The following PDGFRB variants were observed in gnomAD, a reference collection of about 807,000 sequenced individuals.
PDGFRB encodes platelet-derived growth factor receptor beta.
In PDGFRB, 42 loss-of-function variants were observed where a neutral mutation model predicts 120.2. That is an observed-to-expected ratio of 0.35 (90% CI 0.27 to 0.45). The LOEUF (loss-of-function observed/expected upper bound fraction) is 0.45. Among genes scored for constraint, PDGFRB ranks in the 20% least tolerant of loss-of-function variants. The pLI, the probability that PDGFRB is intolerant of heterozygous loss-of-function variation, is 1.00. For synonymous variants in PDGFRB, 586 were observed against 606.8 expected, an observed-to-expected ratio of 0.97 and a Z score of 0.50; for missense variants, 1,149 against 1,476.3, an observed-to-expected ratio of 0.78 and a Z score of 3.63.
chr5:150,135,442 C>A (rs1760594971), intron 3 of PDGFRB, 113 bp downstream of exon 3: 2 of 751,582 alleles, frequency 2.7e-6, no homozygotes, highest in African/African-American at 3.5e-5. Flanking sequence ...TGATTGTCTG[C>A]TTTTCTAGGA....
rs776881391 is a variant in PDGFRB, at chr5:150,124,794, C to T, written c.1845G>A (p.Val615=). The change falls in exon 13 of 23, where the codon GTG becomes GTA. Residue 615 remains valine, a synonymous_variant. Coordinates refer to ENST00000261799, the MANE Select transcript of PDGFRB (RefSeq NM_002609.4). ...TLGSGAFGQV[V]EATAHGLSHS... ...GGCTCAGGCCATGAGCCGTGGCCTCCACCACCTGCCCAAAGGCCCCAGAGC... is the reference window on the plus strand; with the variant it reads ...GGCTCAGGCCATGAGCCGTGGCCTCTACCACCTGCCCAAAGGCCCCAGAGC... 3 of 1,608,888 alleles carry T rather than the reference C, an allele frequency of 1.9e-6. No individual in the cohort carries two copies. Among genetic ancestry groups the T allele is most frequent in the African/African-American group, 2.7e-5 (2 of 74,830 alleles).
Position 150,121,143 on chromosome 5 carries a change from G to T in PDGFRB, c.2463+61C>A. 1 of 1,339,382 alleles carries T rather than the reference G, an allele frequency of 7.5e-7. No individual in the cohort carries two copies. The highest frequency in any genetic ancestry group is 1.1e-6 in the Non-Finnish European group (1 of 929,518). 83.0% of individuals were successfully genotyped at this position (1,339,382 alleles called of 1,614,324 possible). ...CCCTGGTGTGCTCTTGGAGGATGCT[G>T]GCTGGCTGGGTGACCCACCTCCCCA... On this transcript the variant is annotated intron_variant, in intron 17 of 22. Transcript: ENST00000261799. This position sits in a 1 kb window ranked among gnomAD's most constrained non-coding sequence, Gnocchi z 4.1.
chr5:150,139,475 T>C (rs1224631053), intron 1 of PDGFRB, among the ~76,000 whole-genome samples: 2 of 151,164 alleles, frequency 1.3e-5, no homozygotes, highest in Non-Finnish European at 2.9e-5. Context: ...GAGAAGATTC[T>C]AGTCACCACG....
chr5:150,127,436 C>T (rs1760326138), intron 10 of PDGFRB, among the ~76,000 whole-genome samples: 1 of 152,192 alleles, frequency 6.6e-6, no homozygotes, highest in African/African-American at 2.4e-5. Flanking sequence ...CCTCCTCCTC[C>T]CCATCCATTG....
chr5:150,134,236 T>A, intron 4 of PDGFRB: 1 of 575,060 alleles, frequency 1.7e-6, no homozygotes, highest in South Asian at 2.0e-5. Flanking sequence ...GGAGCTGACG[T>A]TCTAGAAGGG....
chr5:150,150,339 T>C (rs1761040054), intron 1 of PDGFRB, among the ~76,000 whole-genome samples: 2 of 152,178 alleles, frequency 1.3e-5, no homozygotes, highest in Admixed American at 1.3e-4. Context: ...ATAAAGCAGT[T>C]GGATCAGGTG....
rs371192118 is a variant in PDGFRB, at chr5:150,129,782, C to G, written c.1554G>C (p.Thr518=). Residue 518 remains threonine, a synonymous_variant, in exon 10 of 23, where the codon ACG becomes ACC. Coordinates refer to ENST00000261799, the MANE Select transcript of PDGFRB (RefSeq NM_002609.4). ...CTLRNAVGQD[T]QEVIVVPHSL... Reference sequence around the variant, plus strand: ...AGTGTGGCACCACGATGACCTCCTGCGTGTCCTGGCCCACAGCGTTGCGCA... The same window carrying G: ...AGTGTGGCACCACGATGACCTCCTGGGTGTCCTGGCCCACAGCGTTGCGCA... 1 of 1,613,650 alleles carries G rather than the reference C, an allele frequency of 6.2e-7. No homozygotes were observed. Among genetic ancestry groups the G allele is most frequent in the South Asian group, 1.1e-5 (1 of 91,074 alleles).
chr5:150,125,646 C>T (rs1273341141), intron 11 of PDGFRB, 69 bp from the exon 12 acceptor site: 16 of 1,506,204 alleles, frequency 1.1e-5, no homozygotes, highest in East Asian at 4.5e-5. Context: ...TAGGTTCGTC[C>T]GTCTAGGACA....
chr5:150,139,275 G>A (rs543503064), intron 1 of PDGFRB, among the ~76,000 whole-genome samples: 2 of 152,260 alleles, frequency 1.3e-5, no homozygotes, highest in Admixed American at 1.3e-4. Context: ...AGGCACCCCA[G>A]GGATCTCGGA....
chr5:150,145,714 G>A (rs1760903453), intron 1 of PDGFRB, among the ~76,000 whole-genome samples: 1 of 152,042 alleles, frequency 6.6e-6, no homozygotes, highest in Admixed American at 6.6e-5. Context: ...CCAGTACCTG[G>A]CACAGAACAA....
At chr5:150,122,992 G>A in intron 15 of PDGFRB, 50 bp downstream of exon 15, 2 of 1,485,424 alleles carry the variant, frequency 1.3e-6, no homozygotes, top group South Asian at 1.1e-5. Flanking sequence ...GGAAGGAGCG[G>A]TGCTCCTCAG....
Position 150,140,887 on chromosome 5 carries a change from C to T in PDGFRB, c.-6-3834G>A, listed in dbSNP as rs34407050. Among the ~76,000 whole-genome samples the T allele has an allele frequency of 1.6e-3, 244 of 152,292 alleles. 2 individuals are homozygous for T. The highest frequency in any genetic ancestry group is 2.1e-3 in the Admixed American group (32 of 15,304). ...GTACAATTCTCCACTCCTTTCCCAC[C>T]GCCTTAATCTAAATAAATCCAGCCC... On this transcript the variant is annotated intron_variant, in intron 1 of 22. Transcript: ENST00000261799.
chr5:150,118,951 G>A, intron 20 of PDGFRB, 99 bp from the exon 21 acceptor site: 1 of 720,650 alleles, frequency 1.4e-6, no homozygotes, highest in South Asian at 1.7e-5. Flanking sequence ...AACAAGGTGA[G>A]CCATGGAAAG....
At chr5:150,123,248 G>C (rs374866345) in intron 14 of PDGFRB, 47 bp from the exon 15 acceptor site, 7 of 1,463,334 alleles carry the variant, frequency 4.8e-6, no homozygotes, top group Admixed American at 1.7e-5. Context: ...GGCCTCAGGC[G>C]TCCCTTCAAG....
chr5:150,135,417 G>A (rs1760594454), intron 3 of PDGFRB, 138 bp downstream of exon 3: 2 of 685,794 alleles, frequency 2.9e-6, no homozygotes, highest in Admixed American at 4.7e-5. Flanking sequence ...CCCCGACTGA[G>A]CCAGGCTGGT....
At chr5:150,137,751 C>T (rs1760675986) in intron 1 of PDGFRB, among the ~76,000 whole-genome samples, 1 of 152,292 alleles carries the variant, frequency 6.6e-6, no homozygotes, top group African/African-American at 2.4e-5. Flanking sequence ...AGCCAGGCTC[C>T]CCCCACCCCC....
Position 150,131,836 on chromosome 5 carries a change from G to A in PDGFRB, c.1243+143C>T, listed in dbSNP as rs907984311. 6 of 555,050 alleles carry A rather than the reference G, an allele frequency of 1.1e-5. No homozygotes were observed. In the African/African-American group the frequency reaches 1.2e-4, roughly 11 times the overall value. 34.4% of individuals were successfully genotyped at this position (555,050 alleles called of 1,614,324 possible). On this transcript the variant is annotated intron_variant, in intron 8 of 22. Coordinates refer to ENST00000261799, the MANE Select transcript of PDGFRB (RefSeq NM_002609.4). ...CAGAGGCCAGGTTCACACGGCAGTGGGTCAGTGGCCTAGAATCCATCTCCT... is the reference window on the plus strand; with the variant it reads ...CAGAGGCCAGGTTCACACGGCAGTGAGTCAGTGGCCTAGAATCCATCTCCT...
chr5:150,117,522 C>A (rs891384419), intron 22 of PDGFRB, 96 bp downstream of exon 22: 8 of 701,264 alleles, frequency 1.1e-5, no homozygotes, highest in African/African-American at 1.1e-4. Flanking sequence ...TGAGGCAAAC[C>A]TGGCAGCGCG....
intron 1 of PDGFRB, among the ~76,000 whole-genome samples, chr5:150,142,237 G>T (rs1362467272): frequency 1.4e-4 from 22 of 152,282 alleles, no homozygotes; most frequent in African/African-American, 5.3e-4. Context: ...GATCGGTGGG[G>T]CTGAAGCTCA....
Sources: gnomAD v4.1 joint callset for allele counts (sites outside exome capture counted in the v4.1 genomes callset) on GRCh38, gnomAD v4.1.1 for gene constraint, Gnocchi (gnomAD v3.1) non-coding constraint, MANE v1.5 for transcripts, NCBI Gene and HGNC (gene_info 2026-07-23, HGNC 2026-07-21) for gene names.